The following VAV3 variants were observed in gnomAD, a reference collection of about 807,000 sequenced individuals.
The protein encoded by VAV3 is guanine nucleotide exchange factor VAV3.
VAV3 carries 94 observed loss-of-function variants against 131.2 expected under a neutral mutation model. The observed-to-expected ratio is 0.72, with a 90% CI of 0.61 to 0.85. VAV3 has a LOEUF of 0.85. Among genes scored for constraint, VAV3 ranks in the 40% least tolerant of loss-of-function variants. The pLI, the probability that VAV3 is intolerant of heterozygous loss-of-function variation, is 0.00. For synonymous variants in VAV3, 349 were observed against 342.0 expected (o/e 1.02, Z -0.22); for missense variants, 939 against 1,002.7 (o/e 0.94, Z 0.86).
intron 25 of VAV3, among the ~76,000 whole-genome samples, chr1:107,577,605 TG>T (rs1412868988): frequency 6.6e-6 from 1 of 152,182 alleles, no homozygotes; most frequent in African/African-American, 2.4e-5. Context: ...AACAATACAG[TG>T]GACACACGCC....
intron 2 of VAV3, among the ~76,000 whole-genome samples, chr1:107,791,093 G>T (rs1570959316): frequency 6.6e-6 from 1 of 152,134 alleles, no homozygotes; most frequent in East Asian, 1.9e-4. Context: ...GGGCCAGTGT[G>T]TGGCAAAAAT....
At chr1:107,888,777 A>G (rs531407820) in intron 1 of VAV3, among the ~76,000 whole-genome samples, 19 of 152,180 alleles carry the variant, frequency 1.2e-4, no homozygotes, top group Non-Finnish European at 2.2e-4. Flanking sequence ...CTCACTTTGA[A>G]ACAAAATTAT....
chr1:107,697,104 C>A (rs1659790471), intron 17 of VAV3, among the ~76,000 whole-genome samples: 1 of 152,140 alleles, frequency 6.6e-6, no homozygotes, highest in Non-Finnish European at 1.5e-5. Context: ...CCACAGTTAC[C>A]ACCTATACCA....
At chr1:107,677,497 G>A (rs1658292196) in intron 19 of VAV3, among the ~76,000 whole-genome samples, 1 of 152,020 alleles carries the variant, frequency 6.6e-6, no homozygotes, top group African/African-American at 2.4e-5. Context: ...TATTCAACCA[G>A]CATAACCATA....
intron 17 of VAV3, among the ~76,000 whole-genome samples, chr1:107,698,981 C>T (rs549716041): frequency 5.3e-5 from 8 of 152,262 alleles, no homozygotes; most frequent in South Asian, 4.1e-4. Context: ...GATTACAATT[C>T]GAGATGAGAT....
intron 15 of VAV3, among the ~76,000 whole-genome samples, chr1:107,732,805 G>A (rs754442742): frequency 6.6e-6 from 1 of 152,216 alleles, no homozygotes; most frequent in Non-Finnish European, 1.5e-5. Flanking sequence ...ATAAAAGGCA[G>A]CAGAAACGTT....
intron 20 of VAV3, among the ~76,000 whole-genome samples, chr1:107,637,123 C>T (rs1441201395): frequency 2.0e-5 from 3 of 151,772 alleles, no homozygotes; most frequent in African/African-American, 7.3e-5. Flanking sequence ...TTACTGATAT[C>T]GGGAATGAGA....
At chr1:107,890,154 A>G (rs1478822249) in intron 1 of VAV3, among the ~76,000 whole-genome samples, 1 of 152,194 alleles carries the variant, frequency 6.6e-6, no homozygotes, top group African/African-American at 2.4e-5. Context: ...ATCAGCAAGA[A>G]GTAGTAAATT....
intron 2 of VAV3, among the ~76,000 whole-genome samples, chr1:107,842,410 C>T (rs974173171): frequency 2.6e-5 from 4 of 152,170 alleles, no homozygotes; most frequent in African/African-American, 9.7e-5. Context: ...TTTTTAGTAC[C>T]TCTGAATCAT....
intron 15 of VAV3, among the ~76,000 whole-genome samples, chr1:107,733,735 A>T (rs553630364): frequency 2.0e-5 from 3 of 152,364 alleles, no homozygotes; most frequent in African/African-American, 7.2e-5. Flanking sequence ...GAAATATGGG[A>T]CTATGTGAAA....
chr1:107,614,791 A>T (rs949498446), intron 21 of VAV3, among the ~76,000 whole-genome samples: 9 of 152,124 alleles, frequency 5.9e-5, no homozygotes, highest in Admixed American at 3.9e-4. Context: ...TTTGTGCGAG[A>T]CTATCCCTAA....
chr1:107,794,336 C>T (rs966001593), intron 2 of VAV3, among the ~76,000 whole-genome samples: 5 of 124,766 alleles, frequency 4.0e-5, no homozygotes, highest in African/African-American at 1.4e-4. Context: ...TGGAAATTAG[C>T]TTGATTCATC....
At chr1:107,813,950 T>C (rs979400368) in intron 2 of VAV3, among the ~76,000 whole-genome samples, 1 of 150,306 alleles carries the variant, frequency 6.7e-6, no homozygotes, top group African/African-American at 2.5e-5. Context: ...TTCTTTTGTA[T>C]GGCTAAATAG....
intron 2 of VAV3, among the ~76,000 whole-genome samples, chr1:107,848,886 C>A (rs1669097765): frequency 6.6e-6 from 1 of 152,092 alleles, no homozygotes; most frequent in South Asian, 2.1e-4. Context: ...TCTCAGGATA[C>A]AAAATCAATG....
intron 1 of VAV3, among the ~76,000 whole-genome samples, chr1:107,902,748 C>T (rs114839899): frequency 6.6e-6 from 1 of 151,700 alleles, no homozygotes; most frequent in Admixed American, 6.6e-5. Flanking sequence ...GGAAGGAGAG[C>T]GAAGGCCAGT....
intron 2 of VAV3, among the ~76,000 whole-genome samples, chr1:107,856,259 G>A (rs374792153): frequency 7.9e-5 from 12 of 152,128 alleles, no homozygotes; most frequent in African/African-American, 2.4e-4. Flanking sequence ...GATTAATTAC[G>A]GTTTACATCA....
chr1:107,865,143 G>A (rs902139780), intron 2 of VAV3, among the ~76,000 whole-genome samples: 9 of 152,172 alleles, frequency 5.9e-5, no homozygotes, highest in Non-Finnish European at 1.0e-4. Flanking sequence ...CAGGTGGCTG[G>A]GGGCAGGGTA....
chr1:107,835,351 G>A (rs1237641951), intron 2 of VAV3, among the ~76,000 whole-genome samples: 2 of 152,178 alleles, frequency 1.3e-5, no homozygotes, highest in African/African-American at 4.8e-5. Context: ...CCTCAGGCTT[G>A]TGGCAACCCC....
chr1:107,656,217 G>A (rs1266845197), intron 19 of VAV3, among the ~76,000 whole-genome samples: 1 of 152,108 alleles, frequency 6.6e-6, no homozygotes, highest in Non-Finnish European at 1.5e-5. Context: ...TCCATCAATG[G>A]ATGGGTGGAT....
Sources: gnomAD v4.1 joint callset for allele counts (sites outside exome capture counted in the v4.1 genomes callset) on GRCh38, gnomAD v4.1.1 for gene constraint, MANE v1.5 for transcripts, NCBI Gene and HGNC (gene_info 2026-07-23, HGNC 2026-07-21) for gene names.